FSTL5: variants seen among roughly 807,000 people sequenced by gnomAD.
FSTL5 encodes the protein follistatin-related protein 5.
A neutral mutation model predicts 89.1 loss-of-function variants in FSTL5; 62 were observed. That is an observed-to-expected ratio of 0.70 (90% confidence interval 0.57 to 0.86). The LOEUF is 0.86. Among genes scored for constraint, FSTL5 ranks in the 40% least tolerant of loss-of-function variants. The pLI is 0.00. For synonymous variants in FSTL5, 383 were observed against 346.2 expected (o/e 1.11, Z -1.18); for missense variants, 1,057 against 1,001.6 (o/e 1.06, Z -0.75).
At chr4:162,091,224 T>A (rs1430740959) in intron 2 of FSTL5, among the ~76,000 whole-genome samples, 1 of 152,186 alleles carries the variant, frequency 6.6e-6, no homozygotes, top group African/African-American at 2.4e-5. Flanking sequence ...TCCATTGCAC[T>A]CTGCAATTAC....
At chr4:162,010,112 A>G (rs1355042933) in intron 3 of FSTL5, among the ~76,000 whole-genome samples, 1 of 152,104 alleles carries the variant, frequency 6.6e-6, no homozygotes, top group Non-Finnish European at 1.5e-5. Flanking sequence ...TGCTTTTTAT[A>G]GAGTTCAACA....
chr4:161,838,734 G>T (rs1255461195), intron 4 of FSTL5, among the ~76,000 whole-genome samples: 1 of 151,984 alleles, frequency 6.6e-6, no homozygotes, highest in African/African-American at 2.4e-5. Flanking sequence ...GAGAGAGAGA[G>T]AAACAGTCTG....
At chr4:161,739,288 G>C (rs1739921528) in intron 6 of FSTL5, among the ~76,000 whole-genome samples, 1 of 152,152 alleles carries the variant, frequency 6.6e-6, no homozygotes, top group Admixed American at 6.5e-5. Flanking sequence ...TCAGGAGAAT[G>C]CCATGTGGAC....
intron 1 of FSTL5, among the ~76,000 whole-genome samples, chr4:162,116,597 T>A (rs1026178602): frequency 6.6e-6 from 1 of 152,090 alleles, no homozygotes; most frequent in African/African-American, 2.4e-5. Context: ...GGAGGCTACA[T>A]CAGGAATAAG....
intron 4 of FSTL5, among the ~76,000 whole-genome samples, chr4:161,794,159 G>A (rs1250558342): frequency 6.6e-6 from 1 of 152,168 alleles, no homozygotes; most frequent in East Asian, 1.9e-4. Flanking sequence ...TTTGAAACAA[G>A]TGATGCCTGG....
At chr4:161,866,476 G>GTGTGTGTA (rs1732094275) in intron 4 of FSTL5, among the ~76,000 whole-genome samples, 1 of 121,934 alleles carries the variant, frequency 8.2e-6, no homozygotes, top group Admixed American at 7.7e-5. Flanking sequence ...GTGTGTGTGT[G>GTGTGTGTA]TGTGTGTGTG....
At position 161,656,778 on chromosome 4, in the gene FSTL5, T is replaced by G. The variant is rs151066576; in HGVS notation, c.728-284A>C. Among the ~76,000 whole-genome samples the G allele has an allele frequency of 1.9e-4, 29 of 152,266 alleles. No individual in the cohort carries two copies. The East Asian group carries it at 3.1e-3, about 16-fold the overall frequency. On this transcript the variant is annotated intron_variant, in intron 6 of 15. Coordinates refer to ENST00000306100, the MANE Select transcript of FSTL5 (RefSeq NM_020116.5). ...TGGCAGATTGCACCCAAAAGAGAGATAAATTACTTAACTGCCAAATCGACA... is the reference window on the plus strand; with the variant it reads ...TGGCAGATTGCACCCAAAAGAGAGAGAAATTACTTAACTGCCAAATCGACA...
At chr4:161,852,526 G>A (rs1731586084) in intron 4 of FSTL5, among the ~76,000 whole-genome samples, 1 of 152,172 alleles carries the variant, frequency 6.6e-6, no homozygotes, top group Non-Finnish European at 1.5e-5. Flanking sequence ...GTGCAAATTA[G>A]TTCAACCATT....
chr4:161,947,857 T>A (rs1734777777), intron 3 of FSTL5, among the ~76,000 whole-genome samples: 3 of 152,196 alleles, frequency 2.0e-5, no homozygotes, highest in African/African-American at 7.2e-5. Context: ...ATCCATGATT[T>A]GGTGTGTCTT....
intron 4 of FSTL5, among the ~76,000 whole-genome samples, chr4:161,859,481 T>C (rs1378482090): frequency 1.3e-5 from 2 of 152,210 alleles, no homozygotes; most frequent in East Asian, 3.8e-4. Flanking sequence ...CATAACTCAA[T>C]GGTAATAACT....
chr4:161,649,943 CT>C (rs1736279256), intron 7 of FSTL5, among the ~76,000 whole-genome samples: 1 of 152,146 alleles, frequency 6.6e-6, no homozygotes, highest in Non-Finnish European at 1.5e-5. Context: ...CTGAGATTAC[CT>C]TGTGGATGGA....
chr4:161,422,025 T>C (rs574944817), intron 15 of FSTL5, among the ~76,000 whole-genome samples: 1 of 152,152 alleles, frequency 6.6e-6, no homozygotes, highest in East Asian at 1.9e-4. Flanking sequence ...CAATACCTTA[T>C]ATGTGCTATG....
At chr4:161,683,478 A>G (rs1737596112) in intron 6 of FSTL5, among the ~76,000 whole-genome samples, 1 of 152,128 alleles carries the variant, frequency 6.6e-6, no homozygotes, top group South Asian at 2.1e-4. Flanking sequence ...ACTGTTTCAC[A>G]TTAGCATTTT....
chr4:161,577,473 C>CAAAAAAAAAAAAAAAA lies in FSTL5; in HGVS notation c.1015+9966_1015+9981dup, dbSNP rs544029134. Among the ~76,000 whole-genome samples the CAAAAAAAAAAAAAAAA allele has an allele frequency of 3.6e-5, 4 of 110,194 alleles. 1 individual carries two copies. Among genetic ancestry groups the CAAAAAAAAAAAAAAAA allele is most frequent in the African/African-American group, 3.4e-5 (1 of 28,998 alleles). 72.3% of individuals were successfully genotyped at this position (110,194 alleles called of 152,430 possible). ...CCCTGAAAGAAGAGAAGAAAAAAGA[C>CAAAAAAAAAAAAAAAA]AAAAAAAAAAAAAAAAAAGGAAACA... On this transcript the variant is annotated intron_variant, in intron 8 of 15. Coordinates refer to ENST00000306100, the MANE Select transcript of FSTL5 (RefSeq NM_020116.5).
At chr4:162,137,082 A>G (rs1019881207) in intron 1 of FSTL5, among the ~76,000 whole-genome samples, 5 of 152,104 alleles carry the variant, frequency 3.3e-5, no homozygotes, top group Non-Finnish European at 7.4e-5. Context: ...AAGAGAGAAT[A>G]CATGTTTAAA....
chr4:162,124,841 A>T (rs1037583869), intron 1 of FSTL5, among the ~76,000 whole-genome samples: 1 of 152,080 alleles, frequency 6.6e-6, no homozygotes, highest in Non-Finnish European at 1.5e-5. Flanking sequence ...CTGGGACTAC[A>T]GGCGCCCGCC....
At chr4:161,428,341 G>C (rs72681782) in intron 15 of FSTL5, among the ~76,000 whole-genome samples, 33,542 of 152,176 alleles carry the variant, frequency 0.22, 3,932 homozygotes, top group Non-Finnish European at 0.27. Flanking sequence ...ATTGGGCTCA[G>C]AGCCAGCAGA....
chr4:161,433,672 C>A (rs577122519), intron 15 of FSTL5, among the ~76,000 whole-genome samples: 1 of 152,152 alleles, frequency 6.6e-6, no homozygotes, highest in African/African-American at 2.4e-5. Context: ...AAAGATTCCA[C>A]AGCAAACTAT....
At chr4:162,127,461 G>A (rs1335278239) in intron 1 of FSTL5, among the ~76,000 whole-genome samples, 1 of 152,008 alleles carries the variant, frequency 6.6e-6, no homozygotes. Flanking sequence ...TATTTATTGG[G>A]TAGAGCCCAA....
Sources: gnomAD v4.1 joint callset for allele counts (sites outside exome capture counted in the v4.1 genomes callset) on GRCh38, gnomAD v4.1.1 for gene constraint, MANE v1.5 for transcripts, NCBI Gene and HGNC (gene_info 2026-07-23, HGNC 2026-07-21) for gene names.